HPCAL1: variants seen among roughly 807,000 people sequenced by gnomAD.
The protein encoded by HPCAL1 is hippocalcin-like protein 1.
HPCAL1 carries 8 observed loss-of-function variants against 17.1 expected under a neutral mutation model. The ratio of observed to expected loss-of-function variants is 0.47; its 90% CI spans 0.27 to 0.84. HPCAL1 has a LOEUF of 0.84. HPCAL1 is among the 40% of genes least tolerant of loss of function. The pLI, the probability that HPCAL1 is intolerant of heterozygous loss-of-function variation, is 0.13. For missense variants in HPCAL1, 165 were observed against 271.1 expected (o/e 0.61, Z 2.75); for synonymous variants, 112 against 111.4 (o/e 1.01, Z -0.03).
intron 1 of HPCAL1, among the ~76,000 whole-genome samples, chr2:10,317,036 G>A (rs1195911161): frequency 2.0e-5 from 3 of 152,170 alleles, no homozygotes; most frequent in Admixed American, 6.5e-5. Flanking sequence ...AAGCCTGCTC[G>A]CCTATCACTG....
Position 10,410,436 on chromosome 2 carries a change from C to CTTTTTTTTT in HPCAL1, c.-24-9281_-24-9273dup, listed in dbSNP as rs36002921. On this transcript the variant is annotated intron_variant, in intron 2 of 4. Coordinates refer to ENST00000307845, the MANE Select transcript of HPCAL1 (RefSeq NM_002149.4). Reference sequence around the variant, plus strand: ...CCTTGTTCCTCTTTTTCTTCTTCTTCTTTTTTTTTTTTTTTTTTTTTTTTT... The same window carrying CTTTTTTTTT: ...CCTTGTTCCTCTTTTTCTTCTTCTTCTTTTTTTTTTTTTTTTTTTTTTTTTTTTTTTTTT... Among the ~76,000 whole-genome samples, 44 of 77,508 alleles carry CTTTTTTTTT rather than the reference C, an allele frequency of 5.7e-4. 2 individuals carry two copies. The highest frequency in any genetic ancestry group is 8.5e-4 in the Non-Finnish European group (37 of 43,382). 50.8% of individuals were successfully genotyped at this position (77,508 alleles called of 152,430 possible). A position where few individuals can be genotyped will look rare whatever the true frequency, so the allele number is the denominator to read the frequency against.
At chr2:10,319,557 T>C (rs1275594899) in intron 1 of HPCAL1, among the ~76,000 whole-genome samples, 1 of 65,010 alleles carries the variant, frequency 1.5e-5, no homozygotes, top group Non-Finnish European at 2.9e-5. Flanking sequence ...CAGGGGATGA[T>C]AGGCTGACGG....
intron 2 of HPCAL1, among the ~76,000 whole-genome samples, chr2:10,399,947 A>G (rs958025574): frequency 2.6e-5 from 4 of 152,200 alleles, no homozygotes; most frequent in African/African-American, 7.2e-5. Context: ...ACCTGGCCCC[A>G]AGGACCTTGA....
chr2:10,415,368 G>A (rs989188832), intron 2 of HPCAL1, among the ~76,000 whole-genome samples: 2 of 152,110 alleles, frequency 1.3e-5, no homozygotes, highest in Admixed American at 6.5e-5. Context: ...CAGGTGCCCC[G>A]CACCCCCATC....
intron 1 of HPCAL1, among the ~76,000 whole-genome samples, chr2:10,361,435 T>TCC (rs1422305726): frequency 6.6e-6 from 1 of 152,166 alleles, no homozygotes; most frequent in Non-Finnish European, 1.5e-5. Context: ...TCCTGACAGA[T>TCC]CCCAGCTGTC....
chr2:10,378,807 G>A (rs1269270439), intron 1 of HPCAL1, among the ~76,000 whole-genome samples: 8 of 152,186 alleles, frequency 5.3e-5, no homozygotes, highest in Non-Finnish European at 8.8e-5. Context: ...GGTTATAGAT[G>A]TTAAATCCTC....
intron 1 of HPCAL1, among the ~76,000 whole-genome samples, chr2:10,335,599 C>T (rs191716028): frequency 3.3e-5 from 5 of 152,168 alleles, no homozygotes; most frequent in Admixed American, 6.5e-5. Context: ...ATAACCAATA[C>T]GAGCACACCC....
intron 1 of HPCAL1, among the ~76,000 whole-genome samples, chr2:10,390,454 C>T (rs1457027097): frequency 6.6e-6 from 1 of 152,178 alleles, no homozygotes; most frequent in Non-Finnish European, 1.5e-5. Flanking sequence ...ATTTGAAAAC[C>T]AGTCACCTCC....
intron 1 of HPCAL1, among the ~76,000 whole-genome samples, chr2:10,326,975 C>T (rs943562730): frequency 1.3e-5 from 2 of 152,204 alleles, no homozygotes; most frequent in African/African-American, 2.4e-5. Flanking sequence ...CTCTGGGTGT[C>T]GGCTCCTCGG....
intron 1 of HPCAL1, among the ~76,000 whole-genome samples, chr2:10,380,562 C>T (rs1368930595): frequency 6.6e-6 from 1 of 152,224 alleles, no homozygotes; most frequent in Non-Finnish European, 1.5e-5. Context: ...CACAGAGGGC[C>T]ACCTTCCTGC....
At chr2:10,383,114 T>C (rs1214627523) in intron 1 of HPCAL1, among the ~76,000 whole-genome samples, 3 of 152,202 alleles carry the variant, frequency 2.0e-5, no homozygotes, top group Non-Finnish European at 2.9e-5. Context: ...GGCTCATGCC[T>C]GTCATCCCAG....
At chr2:10,317,953 G>A (rs1302924200) in intron 1 of HPCAL1, among the ~76,000 whole-genome samples, 1 of 152,208 alleles carries the variant, frequency 6.6e-6, no homozygotes, top group African/African-American at 2.4e-5. Context: ...GGACGAGTGG[G>A]CACATGCCTT....
At chr2:10,391,591 C>T (rs182793014) in intron 1 of HPCAL1, among the ~76,000 whole-genome samples, 135 of 152,276 alleles carry the variant, frequency 8.9e-4, no homozygotes, top group African/African-American at 3.2e-3. Flanking sequence ...AAAGGAAACC[C>T]GTACCCTTTA....
At chr2:10,420,209 C>CTT (rs369044166) in intron 3 of HPCAL1, 74 bp downstream of exon 3, 84,465 of 549,126 alleles carry the variant, frequency 0.15, 2,113 homozygotes, top group African/African-American at 0.22. Flanking sequence ...CAGCCCAGGG[C>CTT]TTTTTTTTTT....
rs1187877290 is a variant in HPCAL1, at chr2:10,342,858, C to T, written c.-111+39681C>T. 6.6e-6 allele frequency among the ~76,000 whole-genome samples: 1 copy of T among 152,228 alleles called. No individual in the cohort carries two copies. The highest frequency in any genetic ancestry group is 2.1e-4 in the South Asian group (1 of 4,834). On this transcript the variant is annotated intron_variant, in intron 1 of 4. Coordinates refer to ENST00000307845, the MANE Select transcript of HPCAL1 (RefSeq NM_002149.4). This position sits in a 1 kb window ranked among gnomAD's most constrained non-coding sequence, Gnocchi z 4.1. The stretch of plus-strand genomic sequence containing the variant: ...TCCATCTCATGGCTGAAGACCAAGG[C>T]TATGGCCTGTGGGTGGCAGTTGGTA...
chr2:10,337,978 T>A (rs1664823637), intron 1 of HPCAL1, among the ~76,000 whole-genome samples: 1 of 152,154 alleles, frequency 6.6e-6, no homozygotes, highest in African/African-American at 2.4e-5. Context: ...GATTTACTAT[T>A]TTTAGAGAAA....
chr2:10,426,526 A>G, intron 4 of HPCAL1, 198 bp from the exon 5 acceptor site: 1 of 568,864 alleles, frequency 1.8e-6, no homozygotes, highest in East Asian at 3.0e-5. Context: ...GATGTATTGC[A>G]GGGAGCAGGG....
At chr2:10,400,095 C>T (rs557870635) in intron 2 of HPCAL1, among the ~76,000 whole-genome samples, 12 of 152,184 alleles carry the variant, frequency 7.9e-5, no homozygotes, top group Admixed American at 7.2e-4. Context: ...TGAGACCTGA[C>T]CAAAGGCCTG....
At position 10,342,052 on chromosome 2, in the gene HPCAL1, C is replaced by T. The variant is rs989525671; in HGVS notation, c.-111+38875C>T. On this transcript the variant is annotated intron_variant, in intron 1 of 4. Transcript: ENST00000307845. The surrounding 1 kb of genome is among the most constrained non-coding windows in gnomAD (Gnocchi z 4.1). ...TGTGGTGGTGGTGTGCTCCTGTAGT[C>T]CCAGCTACTTGGGAGGCTAAGTTGG... Among the ~76,000 whole-genome samples, 2 of 151,000 alleles carry T rather than the reference C, an allele frequency of 1.3e-5. No homozygotes were observed. Among genetic ancestry groups the T allele is most frequent in the African/African-American group, 4.9e-5 (2 of 41,044 alleles).
Sources: allele counts gnomAD v4.1 joint callset (sites outside exome capture counted in the v4.1 genomes callset), GRCh38; gene constraint gnomAD v4.1.1; non-coding constraint Gnocchi (gnomAD v3.1); transcripts MANE v1.5; gene names NCBI Gene and HGNC (gene_info 2026-07-23, HGNC 2026-07-21).